The following EIF4E3 variants were observed in gnomAD, a reference collection of about 807,000 sequenced individuals.
EIF4E3 encodes eukaryotic translation initiation factor 4E family member 3.
A neutral mutation model predicts 31.7 loss-of-function variants in EIF4E3; 26 were observed. The observed-to-expected ratio is 0.82, with a 90% CI of 0.60 to 1.14. The LOEUF (loss-of-function observed/expected upper bound fraction) is 1.14, where lower values mean the gene tolerates loss of function less well. Among genes scored for constraint, EIF4E3 ranks in the 50% most tolerant of loss-of-function variants. The pLI, the probability that EIF4E3 is intolerant of heterozygous loss-of-function variation, is 0.00. For missense variants in EIF4E3, 304 were observed against 270.9 expected (o/e 1.12, Z -0.86); for synonymous variants, 128 against 107.7 (o/e 1.19, Z -1.17).
upstream of EIF4E3, chr3:71,754,271 C>A (rs762692004): frequency 5.0e-6 from 6 of 1,209,248 alleles, no homozygotes; most frequent in South Asian, 9.0e-5. The surrounding 1 kb of genome is among the most constrained non-coding windows in gnomAD (Gnocchi z 5.8). Flanking sequence ...GCCTCCCGGC[C>A]GTCATGCTGG....
intron 6 of EIF4E3, 65 bp downstream of exon 6, chr3:71,689,944 CA>C (rs749764975): frequency 1.9e-4 from 257 of 1,358,526 alleles, no homozygotes; most frequent in Non-Finnish European, 2.4e-4. Flanking sequence ...ATTTGCAAAA[CA>C]GTTTCTATCT....
rs534752099 is a variant in EIF4E3 at position 71,721,399 on chromosome 3, C to T, written c.176+3793G>A. Among the ~76,000 whole-genome samples, 7 of 152,022 alleles carry T rather than the reference C, an allele frequency of 4.6e-5. No homozygotes were observed. The South Asian group carries it at 1.0e-3, about 23-fold the overall frequency. Reference sequence around the variant, plus strand: ...AGAAAATAAAACAGGGTCAGGGGCTCGGGGTGTGTGTGTCAGGATGCTTGC... The same window carrying T: ...AGAAAATAAAACAGGGTCAGGGGCTTGGGGTGTGTGTGTCAGGATGCTTGC... On this transcript the variant is annotated intron_variant, in intron 1 of 6. Coordinates refer to ENST00000425534, the MANE Select transcript of EIF4E3 (RefSeq NM_001134651.2).
chr3:71,709,423 A>G (rs930898452), intron 2 of EIF4E3, among the ~76,000 whole-genome samples: 30 of 152,346 alleles, frequency 2.0e-4, no homozygotes, highest in African/African-American at 6.7e-4. Flanking sequence ...TCTGTTGCCC[A>G]GGCTGGAGTG....
chr3:71,685,310 G>T (rs931297457), intron 6 of EIF4E3, among the ~76,000 whole-genome samples: 2 of 152,046 alleles, frequency 1.3e-5, no homozygotes, highest in African/African-American at 4.8e-5. Flanking sequence ...TAGATATTCA[G>T]ACCTATCATC....
intron 1 of EIF4E3, among the ~76,000 whole-genome samples, chr3:71,750,765 GGTT>G (rs2049918927): frequency 1.6e-5 from 2 of 123,778 alleles, no homozygotes; most frequent in Non-Finnish European, 3.5e-5. Flanking sequence ...ACAAATAATT[GGTT>G]TTTTTTTTTT....
chr3:71,679,396 T>C lies in EIF4E3; in HGVS notation c.*5286A>G, dbSNP rs986582427. ...AATTATCTGACTTCGATATTAGAAA[T>C]TGAAATTTTCATAAAGAAATCTTGC... On this transcript the variant is annotated 3_prime_UTR_variant, in exon 7 of 7. Transcript: ENST00000425534. 2.6e-5 allele frequency: 4 copies of C among 152,174 alleles called. No individual in the cohort carries two copies. The highest frequency in any genetic ancestry group is 4.4e-5 in the Non-Finnish European group (3 of 68,016). The allele number at this position is 152,174 out of a possible 1,614,324, so 9.4% of individuals were successfully genotyped here.
intron 1 of EIF4E3, among the ~76,000 whole-genome samples, chr3:71,741,079 T>A (rs766784195): frequency 6.6e-6 from 1 of 152,108 alleles, no homozygotes; most frequent in Non-Finnish European, 1.5e-5. Flanking sequence ...GAAGTTGCAG[T>A]GGATGTGACT....
chr3:71,734,129 G>A (rs1226609873), intron 1 of EIF4E3, among the ~76,000 whole-genome samples: 2 of 152,070 alleles, frequency 1.3e-5, no homozygotes, highest in Non-Finnish European at 2.9e-5. Context: ...TGCACCTTAT[G>A]GTATTTGCTT....
intron 1 of EIF4E3, among the ~76,000 whole-genome samples, chr3:71,735,030 T>G (rs1306677532): frequency 6.6e-6 from 1 of 152,188 alleles, no homozygotes. Context: ...TGGTCAAATC[T>G]TTTATCAGAG....
chr3:71,732,849 C>T lies in EIF4E3; in HGVS notation c.-290-4226G>A, dbSNP rs549814030. The stretch of plus-strand genomic sequence containing the variant: ...AACAGCCATGTGCTTTGGGACAAAT[C>T]GGTGAACCTCTGAGTCTCCTTTTTT... On this transcript the variant is annotated intron_variant, in intron 1 of 7. Coordinates refer to the EIF4E3 transcript ENST00000295612. 9.2e-5 allele frequency among the ~76,000 whole-genome samples: 14 copies of T among 152,348 alleles called. No individual in the cohort carries two copies. In the South Asian group the frequency reaches 2.7e-3, roughly 29 times the overall value.
chr3:71,698,545 G>T (rs1237407671), intron 3 of EIF4E3, among the ~76,000 whole-genome samples: 1 of 152,164 alleles, frequency 6.6e-6, no homozygotes, highest in Non-Finnish European at 1.5e-5. Context: ...ATCCACTCAG[G>T]CAGGGTTGAC....
At chr3:71,724,790 T>C (rs2049605496) in intron 1 of EIF4E3, among the ~76,000 whole-genome samples, 1 of 152,186 alleles carries the variant, frequency 6.6e-6, no homozygotes, top group Non-Finnish European at 1.5e-5. Context: ...GCTGAGGTCG[T>C]GTCCTGAGCT....
downstream of EIF4E3, among the ~76,000 whole-genome samples, chr3:71,674,544 G>GT (rs1453640656): frequency 1.3e-5 from 2 of 152,166 alleles, no homozygotes; most frequent in Non-Finnish European, 1.5e-5. Flanking sequence ...GGGATGATTT[G>GT]TTTTTTCCCA....
chr3:71,691,098 T>G (rs1057506744), intron 5 of EIF4E3, among the ~76,000 whole-genome samples: 1 of 152,232 alleles, frequency 6.6e-6, no homozygotes, highest in African/African-American at 2.4e-5. Context: ...ATTCTTTGTT[T>G]CCTTGTTCAT....
chr3:71,707,823 T>C (rs1223260422), intron 2 of EIF4E3, among the ~76,000 whole-genome samples: 1 of 151,988 alleles, frequency 6.6e-6, no homozygotes, highest in Non-Finnish European at 1.5e-5. Context: ...ACGGGAGCAG[T>C]CTGTTGTGAC....
the EIF4E3 span, among the ~76,000 whole-genome samples, chr3:71,664,003 A>G: frequency 6.6e-6 from 1 of 152,152 alleles, no homozygotes; most frequent in Non-Finnish European, 1.5e-5. Context: ...GCTACAGCAG[A>G]CAGGGCAGCC....
chr3:71,717,965 C>T (rs982850338), intron 1 of EIF4E3, among the ~76,000 whole-genome samples: 2 of 152,128 alleles, frequency 1.3e-5, no homozygotes, highest in East Asian at 3.8e-4. Flanking sequence ...TCCAATTACT[C>T]GATACACATG....
chr3:71,708,435 A>G (rs569332528), intron 2 of EIF4E3, among the ~76,000 whole-genome samples: 8 of 152,228 alleles, frequency 5.3e-5, no homozygotes, highest in Non-Finnish European at 1.2e-4. Flanking sequence ...TAAGAAATCT[A>G]CATTTACTGT....
intron 1 of EIF4E3, among the ~76,000 whole-genome samples, chr3:71,748,151 T>C (rs1232388326): frequency 2.0e-5 from 3 of 152,204 alleles, no homozygotes; most frequent in Non-Finnish European, 4.4e-5. Flanking sequence ...GGGAAATTGA[T>C]TCCAGTTGAC....
Sources: allele counts gnomAD v4.1 joint callset (sites outside exome capture counted in the v4.1 genomes callset), GRCh38; gene constraint gnomAD v4.1.1; non-coding constraint Gnocchi (gnomAD v3.1); transcripts MANE v1.5; gene names NCBI Gene and HGNC (gene_info 2026-07-23, HGNC 2026-07-21).